Variants in CSMD1 observed in about 807,000 individuals in gnomAD.
The protein encoded by CSMD1 is CUB and sushi domain-containing protein 1.
Under a neutral mutation model 417.5 loss-of-function variants are expected in CSMD1, and 213 were observed. The observed-to-expected ratio is 0.51, with a 90% confidence interval of 0.46 to 0.57. The LOEUF is 0.57. Among genes scored for constraint, CSMD1 ranks in the 20% least tolerant of loss-of-function variants. The pLI is 0.00. For synonymous variants in CSMD1, 2,862 were observed against 1,736.8 expected, an observed-to-expected ratio of 1.65 and a Z score of -16.11; for missense variants, 6,923 against 4,529.7, an observed-to-expected ratio of 1.53 and a Z score of -15.17.
At chr8:3,083,792 T>G (rs1814321819) in intron 49 of CSMD1, among the ~76,000 whole-genome samples, 1 of 149,630 alleles carries the variant, frequency 6.7e-6, no homozygotes, top group South Asian at 2.2e-4. Context: ...CCCAAGCAGC[T>G]GGGACTACAG....
intron 5 of CSMD1, among the ~76,000 whole-genome samples, chr8:3,758,673 G>C (rs1398265959): frequency 6.6e-6 from 1 of 152,182 alleles, no homozygotes; most frequent in Non-Finnish European, 1.5e-5. Context: ...AGATTTAGAA[G>C]AAAAGAATTC....
chr8:4,744,389 C>T (rs987007574), intron 1 of CSMD1, among the ~76,000 whole-genome samples: 8 of 152,144 alleles, frequency 5.3e-5, no homozygotes, highest in Non-Finnish European at 1.0e-4. Flanking sequence ...TCTTCTCCAA[C>T]CTCTCAGTTC....
chr8:4,415,540 C>G (rs369651086), intron 3 of CSMD1, among the ~76,000 whole-genome samples: 144 of 152,288 alleles, frequency 9.5e-4, no homozygotes, highest in African/African-American at 3.0e-3. Flanking sequence ...TTTTATAAAG[C>G]CGGAATGACT....
At chr8:4,748,853 G>A (rs753562278) in intron 1 of CSMD1, among the ~76,000 whole-genome samples, 5 of 152,318 alleles carry the variant, frequency 3.3e-5, no homozygotes, top group East Asian at 1.9e-4. Context: ...GTGAACATAC[G>A]CCCCTTCAGG....
At chr8:3,949,107 T>A (rs1469914683) in intron 5 of CSMD1, among the ~76,000 whole-genome samples, 2 of 152,200 alleles carry the variant, frequency 1.3e-5, no homozygotes, top group Admixed American at 6.5e-5. Context: ...ATTTATGATG[T>A]GCGATATAAT....
chr8:4,261,265 T>G (rs932168764), intron 3 of CSMD1, among the ~76,000 whole-genome samples: 1 of 152,168 alleles, frequency 6.6e-6, no homozygotes, highest in Non-Finnish European at 1.5e-5. Flanking sequence ...AACGCCTGTT[T>G]TCTTCTCTTT....
At chr8:4,476,194 T>C (rs1258999449) in intron 2 of CSMD1, among the ~76,000 whole-genome samples, 1 of 152,162 alleles carries the variant, frequency 6.6e-6, no homozygotes, top group Non-Finnish European at 1.5e-5. Context: ...GCATAACTGA[T>C]AATTTCTTTT....
In CSMD1 at chr8:4,739,407, T is replaced by C. The variant is rs141977793; in HGVS notation, c.86-101849A>G. Among the ~76,000 whole-genome samples the C allele has an allele frequency of 7.8e-3, 1,189 of 152,340 alleles. 15 individuals are homozygous for C. Among genetic ancestry groups the C allele is most frequent in the Non-Finnish European group, 0.013 (918 of 68,028 alleles). On this transcript the variant is annotated intron_variant, in intron 1 of 69. Coordinates refer to ENST00000635120, the MANE Select transcript of CSMD1 (RefSeq NM_033225.6). ...ATATTCCCTATTTAGTGGCCTTATA[T>C]CTGATACCTCCCAACTCTCTACAAT...
intron 5 of CSMD1, among the ~76,000 whole-genome samples, chr8:3,908,752 G>A (rs1293376948): frequency 6.6e-6 from 1 of 152,120 alleles, no homozygotes; most frequent in Non-Finnish European, 1.5e-5. Flanking sequence ...ACCTTCCAAA[G>A]GCACCAAACT....
intron 3 of CSMD1, among the ~76,000 whole-genome samples, chr8:4,081,283 G>A (rs1363702505): frequency 2.6e-5 from 4 of 152,088 alleles, no homozygotes; most frequent in Non-Finnish European, 2.9e-5. Flanking sequence ...AGCGATTCTC[G>A]TCTCCTAGCA....
rs571540726 is a variant in CSMD1, at chr8:3,496,343, T to C, written c.1345-2617A>G. On this transcript the variant is annotated intron_variant, in intron 10 of 69. Transcript: ENST00000635120. ...TGCTGTTCTGCCTGCCCTGCAGAGC[T>C]CCCTGTAAGGATTGAGGGCAGACAC... Among the ~76,000 whole-genome samples the C allele has an allele frequency of 2.6e-5, 4 of 152,238 alleles. No homozygotes were observed. In the East Asian group the frequency reaches 7.7e-4, roughly 29 times the overall value.
At chr8:3,450,837 G>T (rs1213219511) in intron 12 of CSMD1, among the ~76,000 whole-genome samples, 2 of 151,652 alleles carry the variant, frequency 1.3e-5, no homozygotes, top group African/African-American at 4.9e-5. Flanking sequence ...CCCAGTAATG[G>T]GATGGCTGGG....
At chr8:3,312,306 C>G (rs1162156705) in intron 23 of CSMD1, among the ~76,000 whole-genome samples, 1 of 152,166 alleles carries the variant, frequency 6.6e-6, no homozygotes, top group Non-Finnish European at 1.5e-5. Flanking sequence ...CTTTATATGA[C>G]CAGCTGTCTC....
At chr8:4,269,724 T>C (rs1024470483) in intron 3 of CSMD1, among the ~76,000 whole-genome samples, 1 of 152,228 alleles carries the variant, frequency 6.6e-6, no homozygotes, top group African/African-American at 2.4e-5. Flanking sequence ...GTTGAATTCT[T>C]AATATTTACA....
chr8:4,769,982 ACT>A (rs1796520671), intron 1 of CSMD1, among the ~76,000 whole-genome samples: 1 of 151,354 alleles, frequency 6.6e-6, no homozygotes, highest in Non-Finnish European at 1.5e-5. Flanking sequence ...CTGGACAGAA[ACT>A]CTCTCTCCCT....
chr8:3,011,129 C>T (rs560675835), intron 52 of CSMD1, among the ~76,000 whole-genome samples: 3 of 152,306 alleles, frequency 2.0e-5, no homozygotes, highest in African/African-American at 4.8e-5. Context: ...CTGAATGCTG[C>T]ACCATAGTTC....
intron 2 of CSMD1, among the ~76,000 whole-genome samples, chr8:4,589,475 C>G (rs1309629477): frequency 6.6e-6 from 1 of 152,210 alleles, no homozygotes; most frequent in Non-Finnish European, 1.5e-5. Flanking sequence ...GACAAACTCT[C>G]TGCTGATCAG....
chr8:3,181,200 C>A lies in CSMD1; in HGVS notation c.5635G>T (p.Ala1879Ser). Residue 1879 changes from alanine (A) to serine (S), a missense_variant, in exon 37 of 70, where the codon GCA (alanine) becomes TCA (serine). Ala to Ser is a moderately conservative substitution (Grantham distance 99). Transcript: ENST00000635120. Reference sequence around the variant, plus strand: ...TGGTTGGAAGTACTGTTCAGCAGTGCCGGTACTGTGGTGCCTGTAAGAAAC... The same window carrying A: ...TGGTTGGAAGTACTGTTCAGCAGTGACGGTACTGTGGTGCCTGTAAGAAAC... ...LGSFSGTTVP[A>S]LLNSTSNQLY... 1.2e-6 allele frequency: 2 copies of A among 1,612,918 alleles called. No individual in the cohort carries two copies. Among genetic ancestry groups the A allele is most frequent in the Non-Finnish European group, 1.7e-6 (2 of 1,179,066 alleles).
At chr8:4,932,587 C>A (rs985406959) in intron 1 of CSMD1, among the ~76,000 whole-genome samples, 2 of 152,140 alleles carry the variant, frequency 1.3e-5, no homozygotes, top group Non-Finnish European at 2.9e-5. Context: ...TATGATACTG[C>A]AGGATTTTGG....
Sources: allele counts gnomAD v4.1 joint callset (sites outside exome capture counted in the v4.1 genomes callset), GRCh38; gene constraint gnomAD v4.1.1; transcripts MANE v1.5; gene names NCBI Gene and HGNC (gene_info 2026-07-23, HGNC 2026-07-21).